EXOC6B: variants seen among roughly 807,000 people sequenced by gnomAD.
The protein encoded by EXOC6B is SEC15 homolog B.
EXOC6B carries 54 observed loss-of-function variants against 113.5 expected under a neutral mutation model. The ratio of observed to expected loss-of-function variants is 0.48; its 90% CI spans 0.38 to 0.60. The LOEUF is 0.60. Among genes scored for constraint, EXOC6B ranks in the 20% least tolerant of loss-of-function variants. The probability of loss-of-function intolerance (pLI) is 0.00; values close to 1 mark genes in which losing one functional copy is unlikely to be tolerated. For synonymous variants in EXOC6B, 357 were observed against 339.0 expected (o/e 1.05, Z -0.58); for missense variants, 797 against 977.5 (o/e 0.82, Z 2.46).
intron 16 of EXOC6B, among the ~76,000 whole-genome samples, chr2:72,487,910 T>C (rs901480312): frequency 6.6e-6 from 1 of 152,204 alleles, no homozygotes; most frequent in Non-Finnish European, 1.5e-5. Context: ...GTTACTTTTT[T>C]CCTCATTCTA....
chr2:72,713,117 T>C (rs776607047), intron 6 of EXOC6B, among the ~76,000 whole-genome samples: 6 of 152,216 alleles, frequency 3.9e-5, no homozygotes, highest in Non-Finnish European at 7.3e-5. Context: ...CCTTTAGTGA[T>C]GTTTTGGCTG....
intron 18 of EXOC6B, among the ~76,000 whole-genome samples, chr2:72,408,202 A>C (rs1363632860): frequency 6.6e-6 from 1 of 152,224 alleles, no homozygotes; most frequent in Admixed American, 6.5e-5. Flanking sequence ...ACCACTGCTC[A>C]GTGAAATAAA....
At chr2:72,386,724 G>A (rs1692050297) in intron 18 of EXOC6B, among the ~76,000 whole-genome samples, 1 of 152,192 alleles carries the variant, frequency 6.6e-6, no homozygotes, top group Admixed American at 6.5e-5. Context: ...GATTTTAACT[G>A]CTCTTGCCTA....
rs145750230 is a variant in EXOC6B, at chr2:72,611,221, G to A, written c.670-35553C>T. On this transcript the variant is annotated intron_variant, in intron 6 of 21. Coordinates refer to ENST00000272427, the MANE Select transcript of EXOC6B (RefSeq NM_015189.3). ...TACTAAAAAATACAAAAAATTAGCC[G>A]GGCATGGTGGCACATGCCTATAATC... is the stretch of plus-strand genomic sequence containing the variant. 2.3e-3 allele frequency among the ~76,000 whole-genome samples: 350 copies of A among 152,056 alleles called. 11 individuals carry two copies. In the East Asian group the frequency reaches 0.057, roughly 25 times the overall value.
chr2:72,185,298 C>A (rs536614693), intron 20 of EXOC6B, among the ~76,000 whole-genome samples: 1 of 152,374 alleles, frequency 6.6e-6, no homozygotes, highest in East Asian at 1.9e-4. Flanking sequence ...GCAGTCATAT[C>A]CAATGCCAGA....
At chr2:72,805,560 A>G (rs1361491254) in intron 1 of EXOC6B, among the ~76,000 whole-genome samples, 1 of 152,194 alleles carries the variant, frequency 6.6e-6, no homozygotes, top group Non-Finnish European at 1.5e-5. Flanking sequence ...TGATGTTTTG[A>G]TATATGTATA....
intron 18 of EXOC6B, chr2:72,464,076 T>C (rs762903726): frequency 6.6e-6 from 1 of 152,174 alleles, no homozygotes; most frequent in Non-Finnish European, 1.5e-5. Context: ...CACCTCCTAA[T>C]GTAATCACAC....
chr2:72,567,152 A>T (rs1553444339), intron 7 of EXOC6B, among the ~76,000 whole-genome samples: 1 of 152,054 alleles, frequency 6.6e-6, no homozygotes, highest in Non-Finnish European at 1.5e-5. Flanking sequence ...ACCCTAAAAA[A>T]TAATACAAAA....
At chr2:72,626,442 T>A (rs1333818267) in intron 6 of EXOC6B, among the ~76,000 whole-genome samples, 1 of 152,188 alleles carries the variant, frequency 6.6e-6, no homozygotes, top group African/African-American at 2.4e-5. Context: ...TTCTCTAGAT[T>A]TAAATGGGTT....
rs183774566 is a variant in EXOC6B at position 72,353,411 on chromosome 2, G to A, written c.2123-18391C>T. Among the ~76,000 whole-genome samples, 80 of 111,994 alleles carry A rather than the reference G, an allele frequency of 7.1e-4. No individual in the cohort carries two copies. The East Asian group carries it at 0.011, about 15-fold the overall frequency. 73.5% of individuals were successfully genotyped at this position (111,994 alleles called of 152,430 possible). On this transcript the variant is annotated intron_variant, in intron 19 of 21. Transcript: ENST00000272427. Reference sequence around the variant, plus strand: ...TTTTGAGATGGAGCCTCGCTCTGTCGCCCAGGCTGGAGTGCATTGGCACCA... The same window carrying A: ...TTTTGAGATGGAGCCTCGCTCTGTCACCCAGGCTGGAGTGCATTGGCACCA...
chr2:72,713,312 G>A (rs1679387452), intron 6 of EXOC6B, among the ~76,000 whole-genome samples: 1 of 152,096 alleles, frequency 6.6e-6, no homozygotes, highest in African/African-American at 2.4e-5. Flanking sequence ...TCAATATTAA[G>A]TAAGACTTTC....
chr2:72,298,587 T>G (rs539956359), intron 20 of EXOC6B, among the ~76,000 whole-genome samples: 8 of 152,296 alleles, frequency 5.3e-5, no homozygotes, highest in Non-Finnish European at 8.8e-5. Context: ...GTGTCGATGG[T>G]CTTTATAATT....
intron 6 of EXOC6B, among the ~76,000 whole-genome samples, chr2:72,647,568 G>A (rs547327085): frequency 2.0e-5 from 3 of 152,296 alleles, no homozygotes; most frequent in African/African-American, 7.2e-5. Flanking sequence ...CATGGTACTA[G>A]TACCAAAACA....
At chr2:72,302,873 G>A (rs1052484311) in intron 20 of EXOC6B, among the ~76,000 whole-genome samples, 4 of 151,896 alleles carry the variant, frequency 2.6e-5, no homozygotes, top group Non-Finnish European at 5.9e-5. Flanking sequence ...GTTGTTAGCC[G>A]GTTGTTATGC....
chr2:72,797,764 C>T (rs1283151988), intron 1 of EXOC6B, among the ~76,000 whole-genome samples: 1 of 152,044 alleles, frequency 6.6e-6, no homozygotes, highest in African/African-American at 2.4e-5. Context: ...TAAGCTGAGA[C>T]CGTGCCACTG....
At chr2:72,431,746 C>G (rs1429812754) in intron 18 of EXOC6B, among the ~76,000 whole-genome samples, 1 of 152,044 alleles carries the variant, frequency 6.6e-6, no homozygotes, top group Non-Finnish European at 1.5e-5. Context: ...TTGCTGCACC[C>G]ATCAACACTT....
At chr2:72,252,531 T>C (rs1022831938) in intron 20 of EXOC6B, among the ~76,000 whole-genome samples, 1 of 152,136 alleles carries the variant, frequency 6.6e-6, no homozygotes, top group Non-Finnish European at 1.5e-5. Flanking sequence ...AGTTTTGTCA[T>C]CTGGAAGATT....
At chr2:72,714,629 G>A (rs961494700) in intron 6 of EXOC6B, among the ~76,000 whole-genome samples, 2 of 151,998 alleles carry the variant, frequency 1.3e-5, no homozygotes, top group East Asian at 1.9e-4. Flanking sequence ...AATAGTAAAG[G>A]CTTATGCAAT....
At chr2:72,547,794 T>C (rs1036713838) in intron 8 of EXOC6B, among the ~76,000 whole-genome samples, 3 of 152,202 alleles carry the variant, frequency 2.0e-5, no homozygotes, top group East Asian at 1.9e-4. Context: ...ATCAGACACA[T>C]AGCCCACCCG....
Sources: allele counts gnomAD v4.1 joint callset (sites outside exome capture counted in the v4.1 genomes callset), GRCh38; gene constraint gnomAD v4.1.1; transcripts MANE v1.5; gene names NCBI Gene and HGNC (gene_info 2026-07-23, HGNC 2026-07-21).